STAG1: variants seen among roughly 807,000 people sequenced by gnomAD.
STAG1 encodes cohesin subunit SA-1.
In STAG1, 26 loss-of-function variants were observed where a neutral mutation model predicts 170.9. The observed-to-expected ratio is 0.15, with a 90% CI of 0.11 to 0.21. The LOEUF is 0.21. Among genes scored for constraint, STAG1 ranks in the 10% least tolerant of loss-of-function variants. The pLI is 1.00. For synonymous variants in STAG1, 514 were observed against 497.7 expected (o/e 1.03, Z -0.44); for missense variants, 964 against 1,509.5 (o/e 0.64, Z 5.99).
intron 1 of STAG1, among the ~76,000 whole-genome samples, chr3:136,704,396 A>C (rs1943167952): frequency 6.6e-6 from 1 of 152,140 alleles, no homozygotes; most frequent in Non-Finnish European, 1.5e-5. Context: ...AAAGAGATTC[A>C]CTTTAGCCTC....
intron 6 of STAG1, among the ~76,000 whole-genome samples, chr3:136,531,733 G>T (rs1399770653): frequency 1.4e-5 from 2 of 146,390 alleles, no homozygotes; most frequent in Admixed American, 1.4e-4. Flanking sequence ...ACACAGGAAG[G>T]GGAATATCAC....
chr3:136,559,141 C>CTATG (rs1259946018), intron 5 of STAG1, among the ~76,000 whole-genome samples: 1 of 148,356 alleles, frequency 6.7e-6, no homozygotes, highest in East Asian at 1.9e-4. Context: ...ATCTATCTAT[C>CTATG]TATCTATCTA....
chr3:136,449,470 G>A (rs1182011956), intron 14 of STAG1, among the ~76,000 whole-genome samples: 2 of 151,546 alleles, frequency 1.3e-5, no homozygotes, highest in Non-Finnish European at 2.9e-5. Flanking sequence ...TAAAGTATGA[G>A]AATTGCTTGA....
rs190463062 is a variant in STAG1, at chr3:136,721,491, A to G, written c.-84+30704T>C. Reference sequence around the variant, plus strand: ...TTTTAGTGTATGTGCTGCCAAAGTGAGCACTCTTTTTACATTATTTATCAA... The same window carrying G: ...TTTTAGTGTATGTGCTGCCAAAGTGGGCACTCTTTTTACATTATTTATCAA... On this transcript the variant is annotated intron_variant, in intron 1 of 33. Transcript: ENST00000383202. The G allele has an allele frequency of 1.4e-4, 22 of 152,344 alleles. No homozygotes were observed. In the East Asian group the frequency reaches 4.2e-3, roughly 29 times the overall value. 9.4% of individuals were successfully genotyped at this position (152,344 alleles called of 1,614,324 possible).
chr3:136,369,463 A>G (rs1426710068), intron 23 of STAG1, among the ~76,000 whole-genome samples, 181 bp from the exon 24 acceptor site: 1 of 152,182 alleles, frequency 6.6e-6, no homozygotes, highest in East Asian at 1.9e-4. Context: ...TTTTCTCACT[A>G]AACAAGTGTC....
intron 1 of STAG1, among the ~76,000 whole-genome samples, chr3:136,692,685 A>C (rs1337738809): frequency 6.6e-6 from 1 of 152,210 alleles, no homozygotes; most frequent in East Asian, 1.9e-4. Flanking sequence ...GTTGATATGA[A>C]AGTAAGGTGT....
intron 12 of STAG1, among the ~76,000 whole-genome samples, chr3:136,470,873 T>C (rs1160071203): frequency 6.6e-6 from 1 of 151,264 alleles, no homozygotes; most frequent in Non-Finnish European, 1.5e-5. Flanking sequence ...CTCAGGAAAC[T>C]ATCACAAGGA....
At chr3:136,508,106 C>T (rs1168128774) in intron 7 of STAG1, among the ~76,000 whole-genome samples, 2 of 152,060 alleles carry the variant, frequency 1.3e-5, no homozygotes, top group East Asian at 3.8e-4. Context: ...AAAAATGAAA[C>T]TGGGGCTAGA....
intron 13 of STAG1, among the ~76,000 whole-genome samples, chr3:136,461,224 T>C (rs1029823410): frequency 6.6e-6 from 1 of 152,078 alleles, no homozygotes; most frequent in Non-Finnish European, 1.5e-5. Context: ...CAGCTACAAT[T>C]ACATTAAATG....
chr3:136,424,294 A>C (rs1200656387), intron 16 of STAG1, among the ~76,000 whole-genome samples: 1 of 148,014 alleles, frequency 6.8e-6, no homozygotes, highest in Non-Finnish European at 1.5e-5. Context: ...AAGGATACTG[A>C]TTTTAGGGAA....
chr3:136,654,480 T>C (rs148618290), intron 1 of STAG1, among the ~76,000 whole-genome samples: 243 of 152,274 alleles, frequency 1.6e-3, no homozygotes, highest in Non-Finnish European at 2.7e-3. Flanking sequence ...TGAAAGAAAT[T>C]AAAGACACAA....
chr3:136,521,489 TACCTACATAGGAACC>T, intron 6 of STAG1, 72 bp from the exon 7 acceptor site: 2 of 1,372,800 alleles, frequency 1.5e-6, no homozygotes, highest in Non-Finnish European at 2.0e-6. Flanking sequence ...TTTTTCTTCC[TACCTACATAGGAACC>T]CTTTTTTGCA....
At chr3:136,586,242 GTATACA>G (rs1196569167) in intron 4 of STAG1, among the ~76,000 whole-genome samples, 3 of 146,438 alleles carry the variant, frequency 2.0e-5, no homozygotes, top group Non-Finnish European at 4.5e-5. Context: ...TTATGTGTGT[GTATACA>G]TATACATATA....
At chr3:136,645,725 C>G (rs561923012) in intron 1 of STAG1, among the ~76,000 whole-genome samples, 1 of 152,300 alleles carries the variant, frequency 6.6e-6, no homozygotes, top group South Asian at 2.1e-4. Flanking sequence ...GTCTCCTACA[C>G]TCTGAATTCT....
intron 9 of STAG1, among the ~76,000 whole-genome samples, chr3:136,497,612 G>C (rs565489005): frequency 6.7e-6 from 1 of 149,790 alleles, no homozygotes; most frequent in Non-Finnish European, 1.5e-5. Context: ...AGGCCGAGGC[G>C]GGCGGATCAC....
intron 1 of STAG1, among the ~76,000 whole-genome samples, chr3:136,698,397 A>T (rs1018318370): frequency 3.3e-5 from 5 of 152,206 alleles, no homozygotes; most frequent in Non-Finnish European, 5.9e-5. Context: ...AAAATGCTCA[A>T]CATCACTAAT....
intron 28 of STAG1, among the ~76,000 whole-genome samples, chr3:136,351,276 T>C (rs1488098879): frequency 1.3e-5 from 2 of 152,284 alleles, no homozygotes; most frequent in East Asian, 3.9e-4. Context: ...ATTTCACATA[T>C]TTCTTCTTAT....
intron 1 of STAG1, among the ~76,000 whole-genome samples, chr3:136,672,587 T>A (rs1406835722): frequency 6.6e-6 from 1 of 152,116 alleles, no homozygotes; most frequent in Admixed American, 6.6e-5. Flanking sequence ...ATAAAAAAGC[T>A]GCCACAAAAC....
At chr3:136,565,007 A>AAGGAAGGAAGGAAGGAAGGC (rs1937004235) in intron 5 of STAG1, among the ~76,000 whole-genome samples, 2 of 54,228 alleles carry the variant, frequency 3.7e-5, no homozygotes, top group African/African-American at 2.2e-4. Context: ...GGAAGGAAGG[A>AAGGAAGGAAGGAAGGAAGGC]AGGAAGGCAG....
Sources: gnomAD v4.1 joint callset for allele counts (sites outside exome capture counted in the v4.1 genomes callset) on GRCh38, gnomAD v4.1.1 for gene constraint, MANE v1.5 for transcripts, NCBI Gene and HGNC (gene_info 2026-07-23, HGNC 2026-07-21) for gene names.